Variants in PPARGC1A observed in about 807,000 individuals in gnomAD.
PPARGC1A encodes the protein PPARG coactivator 1 alpha, also known as peroxisome proliferator-activated receptor gamma coactivator 1-alpha.
In PPARGC1A, 25 loss-of-function variants were observed where a neutral mutation model predicts 88.7. The ratio of observed to expected loss-of-function variants is 0.28; its 90% CI spans 0.21 to 0.39. The LOEUF (loss-of-function observed/expected upper bound fraction) is 0.39, where lower values mean the gene tolerates loss of function less well. Ranked by LOEUF, PPARGC1A falls within the 10% of genes least tolerant of loss-of-function variation. PPARGC1A has a pLI of 1.00. For missense variants in PPARGC1A, 880 were observed against 968.7 expected (o/e 0.91, Z 1.22); for synonymous variants, 363 against 355.6 (o/e 1.02, Z -0.24).
the PPARGC1A span, among the ~76,000 whole-genome samples, chr4:24,369,832 C>T: frequency 1.2e-3 from 189 of 152,302 alleles, 3 homozygotes; most frequent in Admixed American, 2.4e-3. Context: ...GCCAACCCTC[C>T]GAGTTAGCAG....
chr4:24,241,157 A>G, the PPARGC1A span, among the ~76,000 whole-genome samples: 5 of 152,228 alleles, frequency 3.3e-5, no homozygotes, highest in Non-Finnish European at 7.3e-5. Flanking sequence ...AAGTTTGTGT[A>G]TACTTTCTAT....
chr4:24,426,116 G>C, the PPARGC1A span, among the ~76,000 whole-genome samples: 2 of 152,158 alleles, frequency 1.3e-5, no homozygotes, highest in Non-Finnish European at 2.9e-5. Flanking sequence ...CTTGCAATCA[G>C]TTAAGTTTAG....
At chr4:23,929,827 C>T in the PPARGC1A span, among the ~76,000 whole-genome samples, 2 of 152,164 alleles carry the variant, frequency 1.3e-5, no homozygotes, top group African/African-American at 4.8e-5. Flanking sequence ...ATAATACCTG[C>T]CACCTTTTAT....
chr4:24,027,349 C>T, the PPARGC1A span, among the ~76,000 whole-genome samples: 3 of 152,046 alleles, frequency 2.0e-5, no homozygotes, highest in South Asian at 6.2e-4. Flanking sequence ...GTTCTTACTA[C>T]CCAAGTCCCA....
At chr4:24,169,431 A>C in the PPARGC1A span, among the ~76,000 whole-genome samples, 1 of 152,198 alleles carries the variant, frequency 6.6e-6, no homozygotes, top group Non-Finnish European at 1.5e-5. Context: ...CTATCAGTTC[A>C]CTAATTGTAA....
chr4:24,031,987 C>T, the PPARGC1A span, among the ~76,000 whole-genome samples: 2 of 152,340 alleles, frequency 1.3e-5, no homozygotes, highest in East Asian at 3.9e-4. Context: ...AGCCCCAGGC[C>T]TCTTGCCTCC....
At chr4:24,001,417 G>A in the PPARGC1A span, among the ~76,000 whole-genome samples, 1 of 152,172 alleles carries the variant, frequency 6.6e-6, no homozygotes, top group Non-Finnish European at 1.5e-5. Flanking sequence ...AAGAAACAGA[G>A]AGAGCAAACT....
chr4:24,049,308 G>A, the PPARGC1A span, among the ~76,000 whole-genome samples: 9 of 139,540 alleles, frequency 6.4e-5, no homozygotes, highest in African/African-American at 1.9e-4. Context: ...ATATATGTGT[G>A]TATATATATA....
the PPARGC1A span, among the ~76,000 whole-genome samples, chr4:24,406,991 T>C: frequency 6.6e-6 from 1 of 152,218 alleles, no homozygotes; most frequent in South Asian, 2.1e-4. Flanking sequence ...CTCTGTGCTC[T>C]TCTTGGGTTC....
the PPARGC1A span, among the ~76,000 whole-genome samples, chr4:24,168,626 CAA>C: frequency 1.3e-5 from 2 of 148,774 alleles, no homozygotes; most frequent in African/African-American, 5.2e-5. Flanking sequence ...CACACACACA[CAA>C]ACACACAGAC....
the PPARGC1A span, among the ~76,000 whole-genome samples, chr4:23,927,375 T>G: frequency 1.3e-5 from 2 of 152,206 alleles, no homozygotes; most frequent in African/African-American, 4.8e-5. Flanking sequence ...TATATGTTAT[T>G]ATGCCAGTAA....
intron 2 of PPARGC1A, among the ~76,000 whole-genome samples, chr4:23,848,647 G>A (rs1050280145): frequency 2.0e-5 from 3 of 152,130 alleles, no homozygotes; most frequent in African/African-American, 7.2e-5. Flanking sequence ...TTTGTCCCCG[G>A]AAGAGCATTC....
chr4:24,222,078 A>G, the PPARGC1A span, among the ~76,000 whole-genome samples: 1 of 152,250 alleles, frequency 6.6e-6, no homozygotes, highest in South Asian at 2.1e-4. Context: ...ACCATCTCCA[A>G]GGGCAAAAGA....
the PPARGC1A span, among the ~76,000 whole-genome samples, chr4:23,994,103 G>A: frequency 3.5e-4 from 53 of 152,276 alleles, no homozygotes; most frequent in African/African-American, 1.3e-3. Context: ...GTAGCAATAA[G>A]CTGAGGATTT....
chr4:24,468,658 G>T, the PPARGC1A span, among the ~76,000 whole-genome samples: 1 of 152,088 alleles, frequency 6.6e-6, no homozygotes, highest in African/African-American at 2.4e-5. Flanking sequence ...GGTCAGTGAT[G>T]ATTTGTGGCT....
At chr4:24,336,323 G>C in the PPARGC1A span, among the ~76,000 whole-genome samples, 1 of 152,100 alleles carries the variant, frequency 6.6e-6, no homozygotes, top group Non-Finnish European at 1.5e-5. Flanking sequence ...GGTACATCTC[G>C]AGCTGGGATA....
the PPARGC1A span, among the ~76,000 whole-genome samples, chr4:24,321,706 T>C: frequency 6.6e-6 from 1 of 152,226 alleles, no homozygotes; most frequent in Non-Finnish European, 1.5e-5. Context: ...TGAAATGATT[T>C]AGTCATAATG....
the PPARGC1A span, among the ~76,000 whole-genome samples, chr4:24,298,002 C>T: frequency 7.2e-5 from 11 of 152,030 alleles, no homozygotes; most frequent in Admixed American, 6.6e-5. Flanking sequence ...GAACAGGAAC[C>T]ATAGTAGCTA....
the PPARGC1A span, among the ~76,000 whole-genome samples, chr4:24,076,984 CTTAT>C: frequency 2.0e-5 from 3 of 151,678 alleles, no homozygotes; most frequent in African/African-American, 7.3e-5. Context: ...TAATAATTGT[CTTAT>C]TTCTTATTTC....
Sources: gnomAD v4.1 joint callset for allele counts (sites outside exome capture counted in the v4.1 genomes callset) on GRCh38, gnomAD v4.1.1 for gene constraint, MANE v1.5 for transcripts, NCBI Gene and HGNC (gene_info 2026-07-23, HGNC 2026-07-21) for gene names.